Variants in ELL2 observed in about 807,000 individuals in gnomAD.
The protein encoded by ELL2 is RNA polymerase II elongation factor ELL2.
ELL2 carries 21 observed loss-of-function variants against 72.8 expected under a neutral mutation model. That is an observed-to-expected ratio of 0.29 (90% CI 0.20 to 0.42). ELL2 has a LOEUF of 0.42. Ranked by LOEUF, ELL2 falls within the 10% of genes least tolerant of loss-of-function variation. ELL2 has a pLI of 1.00. For missense variants in ELL2, 568 were observed against 772.8 expected (o/e 0.73, Z 3.14); for synonymous variants, 266 against 283.2 (o/e 0.94, Z 0.61).
intron 1 of ELL2, among the ~76,000 whole-genome samples, chr5:95,944,788 T>A (rs1423170247): frequency 6.6e-6 from 1 of 152,182 alleles, no homozygotes; most frequent in African/African-American, 2.4e-5. Flanking sequence ...CTCATTACAC[T>A]TCCCTCATTA....
chr5:95,903,152 C>A (rs1208580814), intron 5 of ELL2, among the ~76,000 whole-genome samples: 3 of 149,282 alleles, frequency 2.0e-5, no homozygotes, highest in Non-Finnish European at 3.0e-5. Flanking sequence ...CCACAGCAAT[C>A]CATTTTCTAG....
chr5:95,918,102 A>G (rs1749895078), intron 3 of ELL2, among the ~76,000 whole-genome samples: 1 of 152,222 alleles, frequency 6.6e-6, no homozygotes, highest in Non-Finnish European at 1.5e-5. Flanking sequence ...CACAATCACT[A>G]AGGACCCTAA....
intron 10 of ELL2, 61 bp downstream of exon 10, chr5:95,891,042 G>A: frequency 1.9e-6 from 3 of 1,605,562 alleles, no homozygotes; most frequent in Non-Finnish European, 2.6e-6. Context: ...GGTTGAGCAG[G>A]GCAGGGAAAG....
intron 5 of ELL2, among the ~76,000 whole-genome samples, chr5:95,901,730 G>A (rs1004763090): frequency 1.3e-5 from 2 of 152,180 alleles, no homozygotes; most frequent in African/African-American, 4.8e-5. Context: ...GGGACATACA[G>A]AGGGTTATCC....
chr5:95,919,276 C>T lies in ELL2; in HGVS notation c.317+148G>A, dbSNP rs566974943. The stretch of plus-strand genomic sequence containing the variant: ...TGAAATTTCTATTACACAGTAGGTG[C>T]TTAATATTTTTCAGATAAATAAATG... On this transcript the variant is annotated intron_variant, in intron 3 of 11. Transcript: ENST00000237853. The T allele has an allele frequency of 8.1e-6, 8 of 989,006 alleles. No homozygotes were observed. In the South Asian group the frequency reaches 1.3e-4, roughly 15 times the overall value. 61.3% of individuals were successfully genotyped at this position (989,006 alleles called of 1,614,324 possible).
In ELL2 at chr5:95,906,608, T is replaced by C; in HGVS notation, c.656A>G (p.Tyr219Cys). The change falls in exon 5 of 12, where the codon TAC (tyrosine) becomes TGC (cysteine). Residue 219 changes from tyrosine to cysteine, a missense_variant. By Grantham distance (194) the Tyr-to-Cys change is radical (BLOSUM62 -2). Transcript: ENST00000237853. ...RVIHLLALKA[Y>C]KKPELLARLQ... ...TCTAGCAAGTAGCTCCGGTTTCTTG[T>C]AGGCCTTCAGGGCCAGTAAGTGAAT... 1 of 1,614,150 alleles carries C rather than the reference T, an allele frequency of 6.2e-7. No homozygotes were observed. The highest frequency in any genetic ancestry group is 1.7e-4 in the Middle Eastern group (1 of 6,060).
intron 4 of ELL2, among the ~76,000 whole-genome samples, chr5:95,908,564 A>T (rs1749464015): frequency 6.6e-6 from 1 of 152,154 alleles, no homozygotes; most frequent in African/African-American, 2.4e-5. Context: ...ACAGCGAGAG[A>T]GCAAGTAAGC....
chr5:95,899,545 A>C (rs1324201912), intron 7 of ELL2, among the ~76,000 whole-genome samples: 4 of 152,234 alleles, frequency 2.6e-5, no homozygotes, highest in Non-Finnish European at 5.9e-5. Context: ...TACTTTAAAA[A>C]AAATCATGGT....
At chr5:95,949,245 G>A (rs1751286043) in intron 1 of ELL2, among the ~76,000 whole-genome samples, 1 of 152,058 alleles carries the variant, frequency 6.6e-6, no homozygotes, top group Admixed American at 6.5e-5. Context: ...TGATTCCTTT[G>A]GGGTGGGAGA....
At chr5:95,905,129 T>C (rs1749304295) in intron 5 of ELL2, among the ~76,000 whole-genome samples, 1 of 152,124 alleles carries the variant, frequency 6.6e-6, no homozygotes, top group African/African-American at 2.4e-5. Context: ...CAAGGGATTC[T>C]AATATGTTAC....
chr5:95,931,559 C>T (rs1357943730), intron 2 of ELL2, among the ~76,000 whole-genome samples: 1 of 151,978 alleles, frequency 6.6e-6, no homozygotes, highest in African/African-American at 2.4e-5. Context: ...GGCTACAAGT[C>T]TTCTGGGTCA....
At chr5:95,931,610 C>G (rs1042383470) in intron 2 of ELL2, among the ~76,000 whole-genome samples, 9 of 151,904 alleles carry the variant, frequency 5.9e-5, no homozygotes, top group African/African-American at 2.2e-4. Flanking sequence ...AATAAGGTAT[C>G]TGGAAAAATA....
chr5:95,893,479 G>C (rs1748742920), intron 9 of ELL2, among the ~76,000 whole-genome samples: 1 of 152,124 alleles, frequency 6.6e-6, no homozygotes, highest in South Asian at 2.1e-4. Flanking sequence ...CCGCCTCCCG[G>C]GTTCACACCA....
chr5:95,919,596 GA>G, intron 2 of ELL2, 51 bp from the exon 3 acceptor site: 1 of 1,520,616 alleles, frequency 6.6e-7, no homozygotes, highest in Non-Finnish European at 8.8e-7. Context: ...ATTTGCCATA[GA>G]AAAGTCTTAA....
chr5:95,915,743 A>T (rs1313125085), intron 3 of ELL2, among the ~76,000 whole-genome samples: 2 of 152,204 alleles, frequency 1.3e-5, no homozygotes, highest in Non-Finnish European at 2.9e-5. Flanking sequence ...GAAGAATGAA[A>T]GTGTTCAGGG....
Position 95,921,654 on chromosome 5 carries a change from C to T in ELL2, c.196-2109G>A, listed in dbSNP as rs192816546. Among the ~76,000 whole-genome samples, 7 of 152,310 alleles carry T rather than the reference C, an allele frequency of 4.6e-5. No homozygotes were observed. In the East Asian group the frequency reaches 5.8e-4, roughly 13 times the overall value. On this transcript the variant is annotated intron_variant, in intron 2 of 11. Coordinates refer to ENST00000237853, the MANE Select transcript of ELL2 (RefSeq NM_012081.6). ...CAAACAGGAGCCAAAGGAATGCTTG[C>T]GTCAGGCACAAGAGAACATAAGGCT...
intron 1 of ELL2, among the ~76,000 whole-genome samples, chr5:95,950,105 T>C (rs532247944): frequency 2.0e-4 from 30 of 152,298 alleles, no homozygotes; most frequent in African/African-American, 7.2e-4. Context: ...AAGAATCACT[T>C]TTTTGGTTTT....
At chr5:95,953,153 T>G (rs1207940250) in intron 1 of ELL2, among the ~76,000 whole-genome samples, 2 of 152,198 alleles carry the variant, frequency 1.3e-5, no homozygotes, top group South Asian at 4.1e-4. Flanking sequence ...AGTGTTCATT[T>G]TTTTTCACAT....
chr5:95,939,024 T>A (rs1750878326), intron 2 of ELL2, among the ~76,000 whole-genome samples: 1 of 152,172 alleles, frequency 6.6e-6, no homozygotes, highest in African/African-American at 2.4e-5. Flanking sequence ...ATTGAAAACT[T>A]TGCCATTTCA....
Sources: allele counts gnomAD v4.1 joint callset (sites outside exome capture counted in the v4.1 genomes callset), GRCh38; gene constraint gnomAD v4.1.1; transcripts MANE v1.5; gene names NCBI Gene and HGNC (gene_info 2026-07-23, HGNC 2026-07-21).